Variants in UNC80 observed in about 807,000 individuals in gnomAD.
UNC80 encodes the protein protein unc-80 homolog.
A neutral mutation model predicts 384.6 loss-of-function variants in UNC80; 164 were observed. The ratio of observed to expected loss-of-function variants is 0.43; its 90% CI spans 0.38 to 0.49. The LOEUF (loss-of-function observed/expected upper bound fraction) is 0.49, where lower values mean the gene tolerates loss of function less well. UNC80 is among the 20% of genes least tolerant of loss of function. The probability of loss-of-function intolerance (pLI) is 0.00; values close to 1 mark genes in which losing one functional copy is unlikely to be tolerated. For missense variants in UNC80, 3,330 were observed against 4,143.0 expected (o/e 0.80, Z 5.39); for synonymous variants, 1,486 against 1,527.8 (o/e 0.97, Z 0.64).
intron 20 of UNC80, among the ~76,000 whole-genome samples, chr2:209,841,308 TTTTTG>T (rs1171789415): frequency 6.6e-6 from 1 of 152,120 alleles, no homozygotes; most frequent in Non-Finnish European, 1.5e-5. Flanking sequence ...ACCAGGGTTG[TTTTTG>T]TTTTGTTTTG....
At chr2:209,946,366 T>C (rs575907771) in intron 47 of UNC80, among the ~76,000 whole-genome samples, 153 of 136,456 alleles carry the variant, frequency 1.1e-3, no homozygotes, top group African/African-American at 4.1e-3. Flanking sequence ...TAAGACTTTG[T>C]CAGAAAAAAA....
chr2:209,817,104 G>A lies in UNC80; in HGVS notation c.1531G>A (p.Gly511Ser). 1 of 1,551,644 alleles carries A rather than the reference G, an allele frequency of 6.4e-7. No individual in the cohort carries two copies. The highest frequency in any genetic ancestry group is 1.2e-5 in the South Asian group (1 of 84,060). The change falls in exon 10 of 65, where the codon GGC (glycine) becomes AGC (serine). Residue 511 changes from glycine to serine, a missense_variant. Physicochemically the swap from Gly to Ser is moderately conservative, Grantham distance 56. Coordinates refer to ENST00000673920, the MANE Select transcript of UNC80 (RefSeq NM_001371986.1). ...AGACAGGCGAGGAATTGAGAAAGGA[G>A]GCTGGCAAACCACCATTTTAGGTGA... ...GEDRRGIEKG[G>S]WQTTILGKLT...
chr2:209,781,343 A>T (rs1559079836), intron 4 of UNC80, among the ~76,000 whole-genome samples: 2 of 152,370 alleles, frequency 1.3e-5, no homozygotes, highest in Non-Finnish European at 2.9e-5. Flanking sequence ...GACTGTGAGT[A>T]ACCAAGATGG....
rs2090805591 is a variant in UNC80, at chr2:209,930,872, A to C, written c.5908-96A>C. 3.8e-6 allele frequency: 3 copies of C among 779,910 alleles called. No individual in the cohort carries two copies. In the Admixed American group the frequency reaches 8.5e-5, roughly 22 times the overall value. The allele number at this position is 779,910 out of a possible 1,614,324, so 48.3% of individuals were successfully genotyped here. On this transcript the variant is annotated intron_variant, in intron 37 of 64. Coordinates refer to ENST00000673920, the MANE Select transcript of UNC80 (RefSeq NM_001371986.1). ...ATCAATATGTGGGCAAAAGTAAAAA[A>C]AATCCCTCACCCAATCCCGAATTTT...
rs2081887528 is a variant in UNC80, at chr2:209,843,063, A to G, written c.3454+617A>G. ...ATTTCGTGTTCTCTCTTTTGATCTC[A>G]CTGCTGCTAGTTAGAAACATCTTTG... On this transcript the variant is annotated intron_variant, in intron 21 of 64. Transcript: ENST00000673920. 4.6e-5 allele frequency among the ~76,000 whole-genome samples: 7 copies of G among 152,180 alleles called. No individual in the cohort carries two copies. The South Asian group carries it at 1.5e-3, about 32-fold the overall frequency.
chr2:209,791,742 C>T (rs953343703), intron 6 of UNC80, among the ~76,000 whole-genome samples: 14 of 138,080 alleles, frequency 1.0e-4, no homozygotes, highest in African/African-American at 3.5e-4. Context: ...ATGGCGTGAA[C>T]CTGGGAGGTG....
intron 44 of UNC80, among the ~76,000 whole-genome samples, chr2:209,943,039 A>G (rs975883409): frequency 6.6e-6 from 1 of 152,166 alleles, no homozygotes; most frequent in Non-Finnish European, 1.5e-5. Flanking sequence ...CACTTAACCA[A>G]GATATATTTA....
intron 51 of UNC80, among the ~76,000 whole-genome samples, chr2:209,964,888 C>G (rs1255813078): frequency 6.7e-6 from 1 of 150,300 alleles, no homozygotes; most frequent in African/African-American, 2.5e-5. Context: ...CTTATTTTTT[C>G]CTAATTTGTT....
chr2:209,840,743 A>C (rs1234434732), intron 20 of UNC80, 95 bp downstream of exon 20: 2 of 1,004,774 alleles, frequency 2.0e-6, no homozygotes, highest in Non-Finnish European at 2.9e-6. Context: ...GGGCCAAATA[A>C]GGAAAAGCTG....
intron 5 of UNC80, among the ~76,000 whole-genome samples, chr2:209,789,250 G>T (rs2077646527): frequency 6.6e-6 from 1 of 152,188 alleles, no homozygotes; most frequent in Middle Eastern, 3.2e-3. Flanking sequence ...ATTAGGTGCT[G>T]AGTAGGTGTT....
At chr2:209,879,423 T>C (rs2085078591) in intron 24 of UNC80, among the ~76,000 whole-genome samples, 1 of 152,182 alleles carries the variant, frequency 6.6e-6, no homozygotes, top group Non-Finnish European at 1.5e-5. Flanking sequence ...CTGCCTAGAA[T>C]ATTAGTTTTT....
At chr2:209,898,851 A>T (rs1215725185) in intron 28 of UNC80, among the ~76,000 whole-genome samples, 1 of 152,168 alleles carries the variant, frequency 6.6e-6, no homozygotes, top group East Asian at 1.9e-4. Context: ...TCATCCCACA[A>T]GTAAGTGAGA....
At chr2:209,809,981 CCA>C (rs1227745756) in intron 7 of UNC80, among the ~76,000 whole-genome samples, 2 of 152,146 alleles carry the variant, frequency 1.3e-5, no homozygotes, top group Non-Finnish European at 2.9e-5. Flanking sequence ...GGGACCCTCC[CCA>C]CTCCTTCCCC....
intron 45 of UNC80, 90 bp from the exon 46 acceptor site, chr2:209,944,961 G>A: frequency 1.4e-6 from 2 of 1,399,762 alleles, no homozygotes; most frequent in Non-Finnish European, 1.9e-6. Context: ...ACTTGTTACT[G>A]GTAATAGCAT....
intron 60 of UNC80, chr2:209,982,542 T>C: frequency 7.1e-6 from 3 of 419,830 alleles, no homozygotes; most frequent in Non-Finnish European, 8.0e-6. Context: ...GTATTGTCTC[T>C]CCTTAAAAAT....
chr2:209,877,983 C>T lies in UNC80; in HGVS notation c.3870C>T (p.Cys1290=). ...TTGGCGTCCGATTGAATGAGCTGTG[C>T]CACGGGGAAAGTGAGAGCCCAGCCA... ...DAIGVRLNEL[C]HGESESPANL... Residue 1290 remains cysteine (C), a synonymous_variant, in exon 24 of 65, where the codon TGC becomes TGT. Coordinates refer to ENST00000673920, the MANE Select transcript of UNC80 (RefSeq NM_001371986.1). 6.5e-7 allele frequency: 1 copy of T among 1,541,124 alleles called. No homozygotes were observed.
Position 209,976,901 on chromosome 2 carries a change from C to T in UNC80, c.8773-12C>T. 2.0e-6 allele frequency: 3 copies of T among 1,505,430 alleles called. No homozygotes were observed. The highest frequency in any genetic ancestry group is 1.4e-5 in the African/African-American group (1 of 72,316). 93.3% of individuals were successfully genotyped at this position (1,505,430 alleles called of 1,614,324 possible). The stretch of plus-strand genomic sequence containing the variant: ...AAATTGAGGCCCTGAGAATGTTATG[C>T]CTTCCTTTCAGCTGCTGGCCCAACC... On this transcript the variant is annotated splice_polypyrimidine_tract_variant and intron_variant, in intron 57 of 64. Transcript: ENST00000673920. The surrounding 1 kb of genome is among the most constrained non-coding windows in gnomAD (Gnocchi z 4.3).
At chr2:209,802,259 C>T (rs1432528884) in intron 7 of UNC80, among the ~76,000 whole-genome samples, 2 of 151,910 alleles carry the variant, frequency 1.3e-5, no homozygotes, top group African/African-American at 4.8e-5. Flanking sequence ...CTATAATAAA[C>T]AATAAAGCAT....
chr2:209,846,020 T>C (rs149373534), intron 21 of UNC80, among the ~76,000 whole-genome samples: 23 of 152,198 alleles, frequency 1.5e-4, no homozygotes, highest in African/African-American at 3.9e-4. Context: ...CTTGTTTTTC[T>C]TTCTTTCCTT....
Sources: allele counts gnomAD v4.1 joint callset (sites outside exome capture counted in the v4.1 genomes callset), GRCh38; gene constraint gnomAD v4.1.1; non-coding constraint Gnocchi (gnomAD v3.1); transcripts MANE v1.5; gene names NCBI Gene and HGNC (gene_info 2026-07-23, HGNC 2026-07-21).